Variants in ZBTB49 observed in about 807,000 individuals in gnomAD.
ZBTB49 encodes zinc finger and BTB domain-containing protein 49.
A neutral mutation model predicts 57.5 loss-of-function variants in ZBTB49; 43 were observed. The ratio of observed to expected loss-of-function variants is 0.75; its 90% confidence interval spans 0.59 to 0.97. The LOEUF is 0.97. Ranked by LOEUF, ZBTB49 falls within the 50% of genes least tolerant of loss-of-function variation. The pLI, the probability that ZBTB49 is intolerant of heterozygous loss-of-function variation, is 0.00. For missense variants in ZBTB49, 938 were observed against 947.7 expected (o/e 0.99, Z 0.13); for synonymous variants, 369 against 362.1 (o/e 1.02, Z -0.22).
chr4:4,302,125 A>C lies in ZBTB49; in HGVS notation c.289A>C (p.Met97Leu). The C allele has an allele frequency of 6.2e-7, 1 of 1,614,254 alleles. No individual in the cohort carries two copies. Among genetic ancestry groups the C allele is most frequent in the South Asian group, 1.1e-5 (1 of 91,088 alleles). The part of the protein sequence containing the change: ...LDLNQDNIQV[M>L]LDTAQCLQVQ... Reference sequence around the variant, plus strand: ...TCTTAACCAGGACAATATACAAGTAATGCTGGACACAGCACAGTGTTTGCA... The same window carrying C: ...TCTTAACCAGGACAATATACAAGTACTGCTGGACACAGCACAGTGTTTGCA... Residue 97 changes from methionine (M) to leucine (L), a missense_variant, in exon 3 of 8, where the codon ATG becomes CTG. By Grantham distance (15) the Met-to-Leu change is conservative. Coordinates refer to ENST00000337872, the MANE Select transcript of ZBTB49 (RefSeq NM_145291.4).
intron 1 of ZBTB49, among the ~76,000 whole-genome samples, chr4:4,293,796 A>AGATG (rs1720056740): frequency 1.3e-5 from 2 of 152,236 alleles, no homozygotes; most frequent in Non-Finnish European, 2.9e-5. Flanking sequence ...TGGGCATCTT[A>AGATG]CAGGTGGCTC....
chr4:4,304,355 AGCTGGGACTACAG>A (rs1011668962), intron 3 of ZBTB49, among the ~76,000 whole-genome samples: 20 of 151,708 alleles, frequency 1.3e-4, no homozygotes, highest in African/African-American at 4.4e-4. Flanking sequence ...CCTCCCGAGT[AGCTGGGACTACAG>A]GCATGCGCCA....
intron 7 of ZBTB49, among the ~76,000 whole-genome samples, chr4:4,318,854 G>A (rs1721293325): frequency 6.6e-6 from 1 of 150,720 alleles, no homozygotes; most frequent in African/African-American, 2.4e-5. Context: ...AGGTCACTGT[G>A]ATGTGTTGTT....
intron 1 of ZBTB49, among the ~76,000 whole-genome samples, chr4:4,292,304 G>C (rs1719982024): frequency 1.3e-5 from 2 of 152,024 alleles, no homozygotes; most frequent in South Asian, 4.1e-4. Flanking sequence ...AAATAACTCT[G>C]GTACAGTGCA....
chr4:4,308,372 C>T (rs991446570), intron 4 of ZBTB49, among the ~76,000 whole-genome samples: 3 of 152,174 alleles, frequency 2.0e-5, no homozygotes, highest in African/African-American at 7.2e-5. Context: ...CCACCGTGCC[C>T]AGCCACGTAT....
intron 3 of ZBTB49, among the ~76,000 whole-genome samples, chr4:4,305,356 AT>A (rs1720690905): frequency 6.6e-6 from 1 of 152,188 alleles, no homozygotes; most frequent in South Asian, 2.1e-4. Flanking sequence ...AAACCATTTG[AT>A]TTCAGGGAAA....
intron 1 of ZBTB49, among the ~76,000 whole-genome samples, chr4:4,292,259 C>G (rs1719978903): frequency 6.6e-6 from 1 of 152,142 alleles, no homozygotes; most frequent in Non-Finnish European, 1.5e-5. Flanking sequence ...CCAGCCTGGT[C>G]AACTGAGCAA....
At chr4:4,311,893 G>A (rs923035500) in intron 4 of ZBTB49, among the ~76,000 whole-genome samples, 1 of 151,842 alleles carries the variant, frequency 6.6e-6, no homozygotes. Flanking sequence ...GAATTTGATA[G>A]ACATGATGAA....
intron 2 of ZBTB49, among the ~76,000 whole-genome samples, chr4:4,300,933 C>T (rs1183537488): frequency 2.0e-5 from 3 of 151,946 alleles, no homozygotes; most frequent in South Asian, 2.1e-4. Flanking sequence ...TAGTAGACAA[C>T]GTGGGACATG....
intron 2 of ZBTB49, among the ~76,000 whole-genome samples, chr4:4,300,448 T>A (rs1720426106): frequency 6.6e-6 from 1 of 152,220 alleles, no homozygotes; most frequent in South Asian, 2.1e-4. Flanking sequence ...AAGTTCCCGG[T>A]CAGAATTTTT....
At chr4:4,316,023 T>C in intron 7 of ZBTB49, 53 bp downstream of exon 7, 3 of 1,598,986 alleles carry the variant, frequency 1.9e-6, no homozygotes, top group Non-Finnish European at 2.6e-6. Flanking sequence ...GGAAGGGCTT[T>C]GTCCCCCAGC....
intron 1 of ZBTB49, among the ~76,000 whole-genome samples, chr4:4,296,417 C>T (rs746306124): frequency 6.6e-6 from 1 of 152,180 alleles, no homozygotes; most frequent in African/African-American, 2.4e-5. Context: ...GGGTCTTTCC[C>T]ACGCTGTTCT....
chr4:4,305,682 A>G (rs1360437379), intron 3 of ZBTB49, among the ~76,000 whole-genome samples: 1 of 152,222 alleles, frequency 6.6e-6, no homozygotes, highest in African/African-American at 2.4e-5. Flanking sequence ...TTTCACACTC[A>G]TGCTTCAGGA....
intron 4 of ZBTB49, among the ~76,000 whole-genome samples, chr4:4,306,863 C>G (rs1720756266): frequency 6.6e-6 from 1 of 152,264 alleles, no homozygotes; most frequent in African/African-American, 2.4e-5. Flanking sequence ...GGAAGCTGCT[C>G]CAGGGCGTGA....
intron 1 of ZBTB49, among the ~76,000 whole-genome samples, chr4:4,293,260 CGCA>C (rs1466153717): frequency 6.7e-6 from 1 of 148,636 alleles, no homozygotes; most frequent in African/African-American, 2.6e-5. Context: ...GTGAGTTAGT[CGCA>C]AAGATGGAAG....
intron 4 of ZBTB49, among the ~76,000 whole-genome samples, chr4:4,308,291 A>G (rs1720827141): frequency 6.6e-6 from 1 of 152,104 alleles, no homozygotes; most frequent in African/African-American, 2.4e-5. Context: ...GTTGGCCAGG[A>G]TGGTCTCAAA....
chr4:4,317,626 G>A (rs1560116772), intron 7 of ZBTB49, among the ~76,000 whole-genome samples: 1 of 152,008 alleles, frequency 6.6e-6, no homozygotes, highest in Non-Finnish European at 1.5e-5. Context: ...AATCAGCTAT[G>A]AACATCCGTG....
intron 7 of ZBTB49, among the ~76,000 whole-genome samples, 165 bp from the exon 8 acceptor site, chr4:4,320,474 CA>C (rs1346752043): frequency 1.3e-5 from 2 of 151,954 alleles, no homozygotes; most frequent in Non-Finnish European, 1.5e-5. Flanking sequence ...CCTGTCTCTA[CA>C]AAATGTATAT....
chr4:4,304,390 G>A (rs998792727), intron 3 of ZBTB49, among the ~76,000 whole-genome samples: 10 of 151,838 alleles, frequency 6.6e-5, no homozygotes, highest in Non-Finnish European at 2.9e-5. Flanking sequence ...CAATTTTTTT[G>A]TATTTTTAGT....
Sources: gnomAD v4.1 joint callset for allele counts (sites outside exome capture counted in the v4.1 genomes callset) on GRCh38, gnomAD v4.1.1 for gene constraint, MANE v1.5 for transcripts, NCBI Gene and HGNC (gene_info 2026-07-23, HGNC 2026-07-21) for gene names.